The following BMP1 variants were observed in gnomAD, a reference collection of about 807,000 sequenced individuals.
BMP1 encodes the protein mammalian tolloid protein.
BMP1 carries 63 observed loss-of-function variants against 116.8 expected under a neutral mutation model. The ratio of observed to expected loss-of-function variants is 0.54; its 90% CI spans 0.44 to 0.67. The LOEUF is 0.67. Ranked by LOEUF, BMP1 falls within the 30% of genes least tolerant of loss-of-function variation. The pLI is 0.00. For missense variants in BMP1, 1,183 were observed against 1,358.9 expected, an observed-to-expected ratio of 0.87 and a Z score of 2.04; for synonymous variants, 536 against 533.4, an observed-to-expected ratio of 1.00 and a Z score of -0.07.
intron 13 of BMP1, 33 bp downstream of exon 13, chr8:22,195,620 C>T (rs1488101543): frequency 6.3e-7 from 1 of 1,584,036 alleles, no homozygotes; most frequent in Admixed American, 1.9e-5. Context: ...TGACCCTGTT[C>T]TTTCCCTGGC....
At chr8:22,198,159 CTGTT>C (rs2131889930) in intron 15 of BMP1, among the ~76,000 whole-genome samples, 2 of 152,296 alleles carry the variant, frequency 1.3e-5, no homozygotes, top group East Asian at 3.9e-4. Context: ...ACTCCAGACC[CTGTT>C]TCTAAAAATT....
chr8:22,173,771 G>A (rs1828351950), intron 2 of BMP1, 56 bp downstream of exon 2: 3 of 1,425,840 alleles, frequency 2.1e-6, no homozygotes, highest in African/African-American at 1.4e-5. Flanking sequence ...CAGGCTTAGG[G>A]AAACAAGGAA....
At chr8:22,173,811 G>A (rs921473255) in intron 2 of BMP1, 96 bp downstream of exon 2, 8 of 952,130 alleles carry the variant, frequency 8.4e-6, no homozygotes, top group Middle Eastern at 5.9e-4. Context: ...GCCCTCCCAG[G>A]ACAGAGGCCA....
At chr8:22,166,708 C>T (rs1177674248) in intron 1 of BMP1, among the ~76,000 whole-genome samples, 1 of 152,170 alleles carries the variant, frequency 6.6e-6, no homozygotes, top group African/African-American at 2.4e-5. Flanking sequence ...CAGGGACTCT[C>T]CTGGGAGGGT....
At position 22,179,959 on chromosome 8, in the gene BMP1, C is replaced by T. The variant is rs1028723558; in HGVS notation, c.961+130C>T. 14 of 1,082,972 alleles carry T rather than the reference C, an allele frequency of 1.3e-5. No homozygotes were observed. The highest frequency in any genetic ancestry group is 2.7e-5 in the Admixed American group (1 of 36,582). 67.1% of individuals were successfully genotyped at this position (1,082,972 alleles called of 1,614,324 possible). On this transcript the variant is annotated intron_variant, in intron 7 of 19. Transcript: ENST00000306385. This position sits in a 1 kb window ranked among gnomAD's most constrained non-coding sequence, Gnocchi z 4.6. ...AGAATGGTGTGGCGGGGGAGGGGAC[C>T]CCATAGGAGGGGCAGTGTCCAAGTG...
At chr8:22,184,130 G>C (rs1288510454) in intron 8 of BMP1, among the ~76,000 whole-genome samples, 1 of 152,236 alleles carries the variant, frequency 6.6e-6, no homozygotes, top group Non-Finnish European at 1.5e-5. Flanking sequence ...TATGTGCCCA[G>C]CACTGGGTCA....
At chr8:22,201,733 A>G in intron 15 of BMP1, 70 bp from the exon 16 acceptor site, 3 of 1,594,494 alleles carry the variant, frequency 1.9e-6, no homozygotes, top group Non-Finnish European at 2.6e-6. Context: ...CCAGGCCTCC[A>G]CTTCCCCTGG....
intron 16 of BMP1, among the ~76,000 whole-genome samples, chr8:22,203,908 A>C (rs1829307498): frequency 6.6e-6 from 1 of 152,250 alleles, no homozygotes; most frequent in African/African-American, 2.4e-5. Context: ...AACAGAATCC[A>C]CAAGATAGCC....
intron 9 of BMP1, among the ~76,000 whole-genome samples, chr8:22,192,811 G>A (rs1282151807): frequency 6.6e-6 from 1 of 152,158 alleles, no homozygotes; most frequent in Non-Finnish European, 1.5e-5. Flanking sequence ...ATTGCAGCAA[G>A]CCCGAGGAGC....
rs770075299 is a variant in BMP1 at position 22,207,458 on chromosome 8, G to A, written c.2517G>A (p.Leu839=). The A allele has an allele frequency of 1.9e-6, 3 of 1,613,974 alleles. No homozygotes were observed. Among genetic ancestry groups the A allele is most frequent in the South Asian group, 2.2e-5 (2 of 91,082 alleles). ...PVLATGSRMF[L]RFYSDNSVQR... ...TGGCCACAGGCAGCCGCATGTTCCT[G>A]CGCTTCTACTCAGATAACTCGGTCC... Residue 839 remains leucine, a synonymous_variant, in exon 18 of 20, where the codon CTG becomes CTA. Transcript: ENST00000306385.
intron 15 of BMP1, among the ~76,000 whole-genome samples, chr8:22,199,664 C>G (rs565595676): frequency 1.3e-5 from 2 of 152,322 alleles, no homozygotes; most frequent in South Asian, 4.1e-4. Flanking sequence ...AGGCTTTGCT[C>G]AGTCCGTAAG....
rs1235090442 is a variant in BMP1, at chr8:22,201,678, C to A, written c.2108-125C>A. The A allele has an allele frequency of 6.1e-6, 9 of 1,483,716 alleles. No individual in the cohort carries two copies. In the African/African-American group the frequency reaches 9.8e-5, roughly 16 times the overall value. The allele number at this position is 1,483,716 out of a possible 1,614,324, so 91.9% of individuals were successfully genotyped here. ...TCCCACTCCCGGCCACCTGGCCTGGCCAGCTCTGCCAGCTGTTGCTCTGTC... is the reference window on the plus strand; with the variant it reads ...TCCCACTCCCGGCCACCTGGCCTGGACAGCTCTGCCAGCTGTTGCTCTGTC... On this transcript the variant is annotated intron_variant, in intron 15 of 19. Transcript: ENST00000306385.
chr8:22,172,607 C>CTT (rs368585884), intron 1 of BMP1, among the ~76,000 whole-genome samples: 2,257 of 97,142 alleles, frequency 0.023, 27 homozygotes, highest in African/African-American at 0.039. Context: ...TTTATTTCCT[C>CTT]TTTTTTTTTT....
intron 9 of BMP1, among the ~76,000 whole-genome samples, chr8:22,193,126 G>A (rs1828982083): frequency 6.6e-6 from 1 of 152,070 alleles, no homozygotes; most frequent in African/African-American, 2.4e-5. Flanking sequence ...GGCCTTATTA[G>A]GAACACACAA....
chr8:22,185,746 C>T (rs1005488696), intron 8 of BMP1, among the ~76,000 whole-genome samples: 44 of 151,684 alleles, frequency 2.9e-4, no homozygotes, highest in African/African-American at 1.0e-3. Flanking sequence ...CTCAGCCTCC[C>T]GAGTAGCTGG....
intron 6 of BMP1, among the ~76,000 whole-genome samples, chr8:22,178,639 C>T (rs1828523747): frequency 6.6e-6 from 1 of 152,136 alleles, no homozygotes; most frequent in Non-Finnish European, 1.5e-5. Context: ...CTGACCCCTG[C>T]CCTGGACTAG....
Position 22,197,478 on chromosome 8 carries a change from T to A in BMP1, c.2107+58T>A, listed in dbSNP as rs915734913. The A allele has an allele frequency of 1.9e-6, 3 of 1,547,892 alleles. No homozygotes were observed. The African/African-American group carries it at 4.1e-5, about 21-fold the overall frequency. Reference sequence around the variant, plus strand: ...CTCTCCTCGGAGAACAGGGCTCCCTTTCTCCCTGCCCCTGCACCCCTGTAC... The same window carrying A: ...CTCTCCTCGGAGAACAGGGCTCCCTATCTCCCTGCCCCTGCACCCCTGTAC... On this transcript the variant is annotated intron_variant, in intron 15 of 19. Transcript: ENST00000306385.
intron 9 of BMP1, among the ~76,000 whole-genome samples, chr8:22,193,261 G>T (rs1483042734): frequency 6.6e-6 from 1 of 152,166 alleles, no homozygotes; most frequent in Non-Finnish European, 1.5e-5. Flanking sequence ...CAGATTCTGT[G>T]ATTTATTTAG....
chr8:22,194,648 C>A lies in BMP1; in HGVS notation c.1443+58C>A. 6.2e-7 allele frequency: 1 copy of A among 1,601,390 alleles called. No homozygotes were observed. Among genetic ancestry groups the A allele is most frequent in the Non-Finnish European group, 8.5e-7 (1 of 1,171,914 alleles). ...ATCCAGCAGTTGCTCCCTGGGACAGCTGCCTCTCTTTGGGCTCCCAGGGGT... is the reference window on the plus strand; with the variant it reads ...ATCCAGCAGTTGCTCCCTGGGACAGATGCCTCTCTTTGGGCTCCCAGGGGT... On this transcript the variant is annotated intron_variant, in intron 11 of 19. Transcript: ENST00000306385. The surrounding 1 kb of genome is among the most constrained non-coding windows in gnomAD (Gnocchi z 4.5).
Sources: allele counts gnomAD v4.1 joint callset (sites outside exome capture counted in the v4.1 genomes callset), GRCh38; gene constraint gnomAD v4.1.1; non-coding constraint Gnocchi (gnomAD v3.1); transcripts MANE v1.5; gene names NCBI Gene and HGNC (gene_info 2026-07-23, HGNC 2026-07-21).